The following FBXL17 variants were observed in gnomAD, a reference collection of about 807,000 sequenced individuals.
FBXL17 encodes F-box and leucine rich repeat protein 17.
A neutral mutation model predicts 66.2 loss-of-function variants in FBXL17; 22 were observed. The observed-to-expected ratio is 0.33, with a 90% CI of 0.24 to 0.47. The LOEUF (loss-of-function observed/expected upper bound fraction) is 0.47, where lower values mean the gene tolerates loss of function less well. Among genes scored for constraint, FBXL17 ranks in the 20% least tolerant of loss-of-function variants. The probability of loss-of-function intolerance (pLI) is 1.00; values close to 1 mark genes in which losing one functional copy is unlikely to be tolerated. For synonymous variants in FBXL17, 474 were observed against 400.5 expected (o/e 1.18, Z -2.19); for missense variants, 878 against 948.2 (o/e 0.93, Z 0.97).
intron 1 of FBXL17, among the ~76,000 whole-genome samples, chr5:108,370,997 G>A (rs1749001874): frequency 6.6e-6 from 1 of 151,994 alleles, no homozygotes; most frequent in South Asian, 2.1e-4. Flanking sequence ...CCCTAGTATG[G>A]AATTCAGGGT....
chr5:108,232,950 A>T (rs1755432723), intron 4 of FBXL17, among the ~76,000 whole-genome samples: 1 of 151,202 alleles, frequency 6.6e-6, no homozygotes, highest in Non-Finnish European at 1.5e-5. Flanking sequence ...AACTGTTTCC[A>T]ATTTGGGGCT....
chr5:108,297,039 T>G (rs970123786), intron 4 of FBXL17, among the ~76,000 whole-genome samples: 1 of 151,464 alleles, frequency 6.6e-6, no homozygotes, highest in African/African-American at 2.4e-5. Flanking sequence ...ATAATAAACC[T>G]AGCATGCATA....
At chr5:108,280,787 T>C (rs1471600647) in intron 4 of FBXL17, among the ~76,000 whole-genome samples, 2 of 150,048 alleles carry the variant, frequency 1.3e-5, no homozygotes, top group Non-Finnish European at 1.5e-5. Flanking sequence ...ACCTTACCTA[T>C]AAAGACACAT....
At chr5:107,944,502 T>C (rs1751217539) in intron 7 of FBXL17, among the ~76,000 whole-genome samples, 4 of 152,222 alleles carry the variant, frequency 2.6e-5, no homozygotes, top group African/African-American at 9.6e-5. Context: ...CTAAAGGAGT[T>C]TGAATCTTTC....
chr5:108,047,029 G>A (rs1747277789), intron 6 of FBXL17, among the ~76,000 whole-genome samples: 1 of 152,048 alleles, frequency 6.6e-6, no homozygotes, highest in South Asian at 2.1e-4. Flanking sequence ...GTGGGGCCAA[G>A]ATGGCCAACT....
rs901266422 is a variant in FBXL17, at chr5:107,919,030, AT to A, written c.1823-37852del. On this transcript the variant is annotated intron_variant, in intron 7 of 8. Coordinates refer to ENST00000542267, the MANE Select transcript of FBXL17 (RefSeq NM_001163315.3). ...AAATAAATTCTCAAGCAGTATCTCT[AT>A]TTTGTTACACCATAGTAAAACTTTG... is the stretch of plus-strand genomic sequence containing the variant. 2.3e-4 allele frequency among the ~76,000 whole-genome samples: 35 copies of A among 152,336 alleles called. 1 individual carries two copies. Among genetic ancestry groups the A allele is most frequent in the African/African-American group, 7.5e-4 (31 of 41,582 alleles).
chr5:107,891,982 A>G (rs1253770357), intron 7 of FBXL17, among the ~76,000 whole-genome samples: 19 of 152,194 alleles, frequency 1.2e-4, no homozygotes, highest in Admixed American at 1.2e-3. Context: ...CAACCTACAG[A>G]ACATCGTAAC....
At chr5:108,085,462 A>G (rs1748931744) in intron 6 of FBXL17, among the ~76,000 whole-genome samples, 2 of 152,204 alleles carry the variant, frequency 1.3e-5, no homozygotes, top group African/African-American at 4.8e-5. Context: ...GGTGGCTCCA[A>G]GAATAGATGG....
intron 4 of FBXL17, among the ~76,000 whole-genome samples, chr5:108,230,985 C>T (rs893586284): frequency 2.0e-5 from 3 of 151,952 alleles, no homozygotes; most frequent in African/African-American, 7.3e-5. Flanking sequence ...CTGGCACAGA[C>T]CTATTAAATC....
intron 3 of FBXL17, among the ~76,000 whole-genome samples, chr5:108,354,033 T>C (rs1747806569): frequency 6.6e-6 from 1 of 152,174 alleles, no homozygotes; most frequent in African/African-American, 2.4e-5. Context: ...AATCTGAAAA[T>C]CCAAAATCCA....
At chr5:108,034,219 T>C (rs756201250) in intron 6 of FBXL17, among the ~76,000 whole-genome samples, 3 of 152,216 alleles carry the variant, frequency 2.0e-5, no homozygotes, top group Non-Finnish European at 4.4e-5. Context: ...TTACATGTAG[T>C]TCTCCACTTT....
Position 107,896,075 on chromosome 5 carries a change from C to A in FBXL17, c.1823-14896G>T, listed in dbSNP as rs568598506. On this transcript the variant is annotated intron_variant, in intron 7 of 8. Transcript: ENST00000542267. ...AACTGGGACTCTTTAAAGATATTCT[C>A]ACCTCTTCAGGGACTGGTATACTAC... Among the ~76,000 whole-genome samples, 14 of 152,180 alleles carry A rather than the reference C, an allele frequency of 9.2e-5. 1 individual carries two copies. In the South Asian group the frequency reaches 2.9e-3, roughly 32 times the overall value.
chr5:108,367,912 T>A lies in FBXL17; in HGVS notation c.1035A>T (p.Ala345=). The A allele has an allele frequency of 6.4e-7, 1 of 1,550,938 alleles. No homozygotes were observed. Among genetic ancestry groups the A allele is most frequent in the Non-Finnish European group, 8.7e-7 (1 of 1,146,416 alleles). ...CACGCCAGTACTTGCAAACCAATGATGCGGAAAGGCAACGCTCATCCAGTG... is the reference window on the plus strand; with the variant it reads ...CACGCCAGTACTTGCAAACCAATGAAGCGGAAAGGCAACGCTCATCCAGTG... The part of the protein sequence containing the change: ...NLSLDERCLS[A]SLVCKYWRDL... Residue 345 remains alanine (A), a synonymous_variant, in exon 2 of 9, where the codon GCA becomes GCT. Transcript: ENST00000542267.
intron 7 of FBXL17, among the ~76,000 whole-genome samples, chr5:107,895,685 T>C (rs1376666429): frequency 6.6e-6 from 1 of 152,172 alleles, no homozygotes; most frequent in Non-Finnish European, 1.5e-5. Context: ...GATTCTATGT[T>C]TGTTCCTTTC....
intron 4 of FBXL17, among the ~76,000 whole-genome samples, chr5:108,251,788 G>A (rs1391127900): frequency 6.6e-6 from 1 of 151,946 alleles, no homozygotes; most frequent in Non-Finnish European, 1.5e-5. Flanking sequence ...TGTTTTATAA[G>A]TTTTTATTCT....
At chr5:108,188,215 A>G (rs962253999) in intron 5 of FBXL17, among the ~76,000 whole-genome samples, 1 of 152,314 alleles carries the variant, frequency 6.6e-6, no homozygotes, top group Non-Finnish European at 1.5e-5. Context: ...GAGAGAGTTC[A>G]TAGAGTCACT....
chr5:108,162,238 C>T (rs1056515449), intron 6 of FBXL17, among the ~76,000 whole-genome samples: 3 of 152,112 alleles, frequency 2.0e-5, no homozygotes, highest in Non-Finnish European at 2.9e-5. Context: ...GTGGCTCATG[C>T]CTGTAATCCT....
chr5:107,947,667 C>T (rs540305011), intron 7 of FBXL17, among the ~76,000 whole-genome samples: 4 of 152,278 alleles, frequency 2.6e-5, no homozygotes, highest in South Asian at 2.1e-4. Context: ...CTGGCCCTTT[C>T]TAAAGAGCAG....
At chr5:108,068,994 T>A (rs912102611) in intron 6 of FBXL17, among the ~76,000 whole-genome samples, 2 of 152,190 alleles carry the variant, frequency 1.3e-5, no homozygotes, top group Non-Finnish European at 2.9e-5. Context: ...GAACATCTTA[T>A]TTGGCTGGAA....
Sources: allele counts gnomAD v4.1 joint callset (sites outside exome capture counted in the v4.1 genomes callset), GRCh38; gene constraint gnomAD v4.1.1; transcripts MANE v1.5; gene names NCBI Gene and HGNC (gene_info 2026-07-23, HGNC 2026-07-21).